Variants in SPATA17 observed in about 807,000 individuals in gnomAD.
The protein encoded by SPATA17 is spermatogenesis-associated protein 17.
Under a neutral mutation model 62.2 loss-of-function variants are expected in SPATA17, and 53 were observed. The observed-to-expected ratio is 0.85, with a 90% CI of 0.68 to 1.07. The LOEUF is 1.07. Among genes scored for constraint, SPATA17 ranks in the 50% least tolerant of loss-of-function variants. The pLI is 0.00. For synonymous variants in SPATA17, 146 were observed against 146.8 expected (o/e 0.99, Z 0.04); for missense variants, 466 against 425.5 (o/e 1.10, Z -0.84).
chr1:217,660,499 G>A (rs751005488), intron 3 of SPATA17, among the ~76,000 whole-genome samples: 7 of 152,204 alleles, frequency 4.6e-5, no homozygotes, highest in South Asian at 2.1e-4. Context: ...GTATGTGCCA[G>A]GGTGGATTGT....
chr1:217,821,766 ATTAAT>A (rs1348860313), intron 9 of SPATA17, among the ~76,000 whole-genome samples: 2 of 152,098 alleles, frequency 1.3e-5, no homozygotes, highest in African/African-American at 4.8e-5. Context: ...CCGATTTTAT[ATTAAT>A]TTGTCTTTTA....
At chr1:217,649,085 G>T in intron 2 of SPATA17, 114 bp downstream of exon 2, 2 of 660,090 alleles carry the variant, frequency 3.0e-6, no homozygotes, top group Middle Eastern at 4.0e-4. Context: ...TACTCATAAT[G>T]TAGTTGATAA....
chr1:217,641,760 A>G (rs565158386), intron 1 of SPATA17, among the ~76,000 whole-genome samples: 3 of 152,274 alleles, frequency 2.0e-5, no homozygotes, highest in African/African-American at 7.2e-5. Context: ...CAAATTCTTT[A>G]CACACAAGGA....
chr1:217,732,143 C>T (rs1672417465), intron 5 of SPATA17, among the ~76,000 whole-genome samples: 1 of 150,156 alleles, frequency 6.7e-6, no homozygotes, highest in Non-Finnish European at 1.5e-5. Context: ...TCTTATCCAA[C>T]AATAAATGGG....
At chr1:217,664,638 C>A (rs568147621) in intron 3 of SPATA17, among the ~76,000 whole-genome samples, 1 of 151,876 alleles carries the variant, frequency 6.6e-6, no homozygotes, top group African/African-American at 2.4e-5. Flanking sequence ...GGGAGGGCAA[C>A]AAGGAGAGAT....
intron 3 of SPATA17, among the ~76,000 whole-genome samples, chr1:217,654,912 C>T (rs945077540): frequency 8.6e-5 from 13 of 151,976 alleles, no homozygotes; most frequent in African/African-American, 2.2e-4. Flanking sequence ...GGGGTTTTGC[C>T]GTGTTAGCCA....
chr1:217,763,368 T>C (rs1349607060), intron 6 of SPATA17, among the ~76,000 whole-genome samples: 1 of 151,418 alleles, frequency 6.6e-6, no homozygotes, highest in Non-Finnish European at 1.5e-5. Context: ...TAAGGATGAG[T>C]GTGATTTGGC....
At chr1:217,645,104 A>C (rs544500511) in intron 1 of SPATA17, among the ~76,000 whole-genome samples, 101 of 152,218 alleles carry the variant, frequency 6.6e-4, no homozygotes, top group Admixed American at 3.9e-4. Flanking sequence ...ATAGAAGTCA[A>C]ATTTTAGCAC....
Position 217,651,167 on chromosome 1 carries a change from C to T in SPATA17, c.229C>T (p.Leu77=). The T allele has an allele frequency of 1.2e-6, 2 of 1,606,824 alleles. No homozygotes were observed. The highest frequency in any genetic ancestry group is 1.7e-6 in the Non-Finnish European group (2 of 1,176,186). ...RSFLGRKQYQ[L]TVQVAYYTMM... is the part of the protein sequence containing the mutation. ...TTTCTTAGGCAGAAAGCAATATCAACTAACTGTGCAGGTAAATATAAAATG... is the reference window on the plus strand; with the variant it reads ...TTTCTTAGGCAGAAAGCAATATCAATTAACTGTGCAGGTAAATATAAAATG... Residue 77 remains leucine, a synonymous_variant, in exon 3 of 11, where the codon CTA becomes TTA. Coordinates refer to ENST00000366933, the MANE Select transcript of SPATA17 (RefSeq NM_138796.4).
rs562497317 is a variant in SPATA17, at chr1:217,727,442, T to TA, written c.396-14533_396-14532insA. 3.6e-4 allele frequency among the ~76,000 whole-genome samples: 54 copies of TA among 152,068 alleles called. No homozygotes were observed. The South Asian group carries it at 0.011, about 31-fold the overall frequency. On this transcript the variant is annotated intron_variant, in intron 5 of 10. Transcript: ENST00000366933. The stretch of plus-strand genomic sequence containing the variant: ...AATATATAACTGACAATTTCCCTAC[T>TA]CATTACAGTTCTTGATGCATAGTGT...
intron 1 of SPATA17, among the ~76,000 whole-genome samples, chr1:217,632,744 G>T (rs1219457739): frequency 6.6e-6 from 1 of 152,094 alleles, no homozygotes; most frequent in African/African-American, 2.4e-5. Flanking sequence ...TAAATCTGTA[G>T]CCCTGGTTTA....
chr1:217,649,097 TTGTA>T, intron 2 of SPATA17, 126 bp downstream of exon 2: 1 of 602,356 alleles, frequency 1.7e-6, no homozygotes, highest in South Asian at 2.8e-5. Context: ...AGTTGATAAA[TTGTA>T]TGTATTTCTT....
intron 5 of SPATA17, among the ~76,000 whole-genome samples, chr1:217,724,035 G>T (rs1379015122): frequency 6.6e-6 from 1 of 152,156 alleles, no homozygotes; most frequent in Non-Finnish European, 1.5e-5. Context: ...AAGGAAACAG[G>T]AGTGAAGGAA....
intron 1 of SPATA17, among the ~76,000 whole-genome samples, chr1:217,636,538 G>A (rs1053123455): frequency 6.6e-6 from 1 of 152,080 alleles, no homozygotes; most frequent in African/African-American, 2.4e-5. Context: ...TCAGACTCCT[G>A]AGTAGCTGGG....
chr1:217,762,140 C>T lies in SPATA17; in HGVS notation c.520-12194C>T, dbSNP rs182305297. Among the ~76,000 whole-genome samples, 65 of 152,274 alleles carry T rather than the reference C, an allele frequency of 4.3e-4. No homozygotes were observed. The East Asian group carries it at 0.01, about 24-fold the overall frequency. On this transcript the variant is annotated intron_variant, in intron 6 of 10. Transcript: ENST00000366933. ...CCCACTCATTTCTTTAATGTGCACA[C>T]TCCTAAGACTTTCCCCTTGGCTCTT... is the stretch of plus-strand genomic sequence containing the variant.
chr1:217,770,978 A>AATTTGTTTTTTTTTTTTTTTTTTTTTTT (rs1553251071), intron 6 of SPATA17, among the ~76,000 whole-genome samples: 1 of 50,148 alleles, frequency 2.0e-5, no homozygotes, highest in Non-Finnish European at 3.3e-5. Flanking sequence ...AACTCATTGC[A>AATTTGTTTTTTTTTTTTTTTTTTTTTTT]TTTTTTTTTT....
chr1:217,733,863 A>G (rs1456736834), intron 5 of SPATA17, among the ~76,000 whole-genome samples: 2 of 152,222 alleles, frequency 1.3e-5, no homozygotes, highest in African/African-American at 4.8e-5. Context: ...CTCAGGCGCA[A>G]CCTGAGTGCT....
Position 217,790,925 on chromosome 1 carries a change from T to G in SPATA17, c.872+8603T>G, listed in dbSNP as rs545502611. Among the ~76,000 whole-genome samples, 153 of 152,320 alleles carry G rather than the reference T, an allele frequency of 1.0e-3. 3 individuals carry two copies. Among genetic ancestry groups the G allele is most frequent in the South Asian group, 1.2e-3 (6 of 4,830 alleles). On this transcript the variant is annotated intron_variant, in intron 8 of 10. Transcript: ENST00000366933. ...ATTAAAGAATAGTGAAAAGAAAATT[T>G]AACATATCTCAAAACTTTTTTGACT...
intron 5 of SPATA17, among the ~76,000 whole-genome samples, chr1:217,718,209 C>T (rs1484224924): frequency 6.6e-6 from 1 of 152,138 alleles, no homozygotes; most frequent in Non-Finnish European, 1.5e-5. Flanking sequence ...TATGAGTCTA[C>T]CTCAAAACTG....
Sources: gnomAD v4.1 joint callset for allele counts (sites outside exome capture counted in the v4.1 genomes callset) on GRCh38, gnomAD v4.1.1 for gene constraint, MANE v1.5 for transcripts, NCBI Gene and HGNC (gene_info 2026-07-23, HGNC 2026-07-21) for gene names.